The following KCNE3 variants were observed in gnomAD, a reference collection of about 807,000 sequenced individuals.
KCNE3 encodes the protein potassium voltage-gated channel subfamily E member 3.
In KCNE3, 2 loss-of-function variants were observed where a neutral mutation model predicts 4.3. The ratio of observed to expected loss-of-function variants is 0.47; its 90% CI spans 0.19 to 1.48. The LOEUF (loss-of-function observed/expected upper bound fraction) is 1.48. Among genes scored for constraint, KCNE3 ranks in the 40% most tolerant of loss-of-function variants. KCNE3 has a pLI of 0.25. For synonymous variants in KCNE3, 47 were observed against 52.0 expected (o/e 0.90, Z 0.41); for missense variants, 128 against 136.8 (o/e 0.94, Z 0.32).
chr11:74,457,062 A>C lies in KCNE3; in HGVS notation c.*190T>G. The C allele has an allele frequency of 1.6e-6, 1 of 623,612 alleles. No homozygotes were observed. Among genetic ancestry groups the C allele is most frequent in the East Asian group, 2.7e-5 (1 of 36,398 alleles). 38.6% of individuals were successfully genotyped at this position (623,612 alleles called of 1,614,324 possible). A position where few individuals can be genotyped will look rare whatever the true frequency, so the allele number is the denominator to read the frequency against. ...AAAGTCTATCTTTTCCTGGGAAAAA[A>C]TCCTTATGCACAAGGCTTCGGTCTA... On this transcript the variant is annotated 3_prime_UTR_variant, in exon 3 of 3. Transcript: ENST00000310128.
intron 2 of KCNE3, among the ~76,000 whole-genome samples, chr11:74,458,514 T>C (rs1863874525): frequency 1.3e-5 from 2 of 152,066 alleles, no homozygotes; most frequent in African/African-American, 2.4e-5. Flanking sequence ...TCATCACAAC[T>C]CTCCTTGAGC....
rs373622729 is a variant in KCNE3 at position 74,463,916 on chromosome 11, C to T, written c.-189-1813G>A. 1.2e-4 allele frequency among the ~76,000 whole-genome samples: 18 copies of T among 152,280 alleles called. No homozygotes were observed. The South Asian group carries it at 2.9e-3, about 25-fold the overall frequency. Reference sequence around the variant, plus strand: ...CATGGGGCATCATCTCCTCTAACTTCGTCACTATGGCCTTTTCATGCACCA... The same window carrying T: ...CATGGGGCATCATCTCCTCTAACTTTGTCACTATGGCCTTTTCATGCACCA... On this transcript the variant is annotated intron_variant, in intron 1 of 2. Transcript: ENST00000310128.
rs1202929937 is a variant in KCNE3 at position 74,467,210 on chromosome 11, C to T, written c.-190+188G>A. ...CCCACATGCTGCTCCACGATCACTG[C>T]GCTCGGGAGGATCGGGGAGGATCCG... On this transcript the variant is annotated intron_variant, in intron 1 of 2. Transcript: ENST00000310128. This position sits in a 1 kb window ranked among gnomAD's most constrained non-coding sequence, Gnocchi z 4.4. Among the ~76,000 whole-genome samples the T allele has an allele frequency of 3.3e-5, 5 of 150,162 alleles. No individual in the cohort carries two copies. Among genetic ancestry groups the T allele is most frequent in the Non-Finnish European group, 4.4e-5 (3 of 68,002 alleles).
rs918372397 is a variant in KCNE3 at position 74,457,744 on chromosome 11, C to T, written c.-40-141G>A. On this transcript the variant is annotated intron_variant, in intron 2 of 2. Transcript: ENST00000310128. ...TCCCCACCCAAATCTCATCTGGAAT[C>T]ATAGCTCCCATAATCCCCATGTGTC... 6 of 661,012 alleles carry T rather than the reference C, an allele frequency of 9.1e-6. No individual in the cohort carries two copies. The African/African-American group carries it at 1.1e-4, about 12-fold the overall frequency. The allele number at this position is 661,012 out of a possible 1,614,324, so 40.9% of individuals were successfully genotyped here.
intron 2 of KCNE3, among the ~76,000 whole-genome samples, chr11:74,461,444 A>T (rs913199075): frequency 2.0e-5 from 3 of 151,974 alleles, no homozygotes; most frequent in Non-Finnish European, 4.4e-5. Flanking sequence ...CAGCCTGGCC[A>T]ACGTGGAGAA....
At chr11:74,460,219 T>C (rs1262439187) in intron 2 of KCNE3, among the ~76,000 whole-genome samples, 1 of 152,212 alleles carries the variant, frequency 6.6e-6, no homozygotes, top group Non-Finnish European at 1.5e-5. Context: ...CTCACTGAGT[T>C]AAGATCCAGG....
rs1278795753 is a variant in KCNE3, at chr11:74,457,619, AAG to A, written c.-40-18_-40-17del. On this transcript the variant is annotated splice_polypyrimidine_tract_variant and intron_variant, in intron 2 of 2. Transcript: ENST00000310128. ...GGTAGAAGCTCTGGTGGCAAAAGAA[AAG>A]AGAGAGGGGATGGCTCTGTCACCTG... is the stretch of plus-strand genomic sequence containing the variant. 1 of 1,521,636 alleles carries A rather than the reference AAG, an allele frequency of 6.6e-7. No individual in the cohort carries two copies. The highest frequency in any genetic ancestry group is 9.1e-7 in the Non-Finnish European group (1 of 1,096,404). The allele number at this position is 1,521,636 out of a possible 1,614,324, so 94.3% of individuals were successfully genotyped here.
At chr11:74,466,007 C>G (rs1864050338) in intron 1 of KCNE3, among the ~76,000 whole-genome samples, 1 of 152,090 alleles carries the variant, frequency 6.6e-6, no homozygotes, top group Non-Finnish European at 1.5e-5. Context: ...CTCACCTTCT[C>G]CAGAAGCCTT....
At chr11:74,464,829 C>T (rs1864026378) in intron 1 of KCNE3, among the ~76,000 whole-genome samples, 1 of 152,264 alleles carries the variant, frequency 6.6e-6, no homozygotes, top group Non-Finnish European at 1.5e-5. Context: ...GCACCCATGA[C>T]ACTGAAGTAC....
At chr11:74,463,197 G>A (rs1222604450) in intron 1 of KCNE3, among the ~76,000 whole-genome samples, 1 of 152,146 alleles carries the variant, frequency 6.6e-6, no homozygotes, top group East Asian at 1.9e-4. Flanking sequence ...TGGAGGGTAG[G>A]GTGGGCTTTG....
Position 74,457,493 on chromosome 11 carries a change from G to C in KCNE3, c.71C>G (p.Thr24Ser). The C allele has an allele frequency of 6.2e-7, 1 of 1,614,248 alleles. No homozygotes were observed. The highest frequency in any genetic ancestry group is 8.5e-7 in the Non-Finnish European group (1 of 1,180,046). ...LHAVLKALNATLHSNLLCRPG... is the reference protein window; with the variant it reads ...LHAVLKALNASLHSNLLCRPG... ...CCGGCAGAGCAAATTGCTGTGAAGAGTGGCATTTAGAGCCTTCAGCACGGC... is the reference window on the plus strand; with the variant it reads ...CCGGCAGAGCAAATTGCTGTGAAGACTGGCATTTAGAGCCTTCAGCACGGC... Residue 24 changes from threonine (T) to serine (S), a missense_variant, in exon 3 of 3, where the codon ACT becomes AGT. Physicochemically the swap from Thr to Ser is moderately conservative, Grantham distance 58 (BLOSUM62 1). Coordinates refer to ENST00000310128, the MANE Select transcript of KCNE3 (RefSeq NM_005472.5).
At position 74,456,585 on chromosome 11, in the gene KCNE3, A is replaced by G. The variant is rs12271177; in HGVS notation, c.*667T>C. The G allele has an allele frequency of 0.53, 80,587 of 152,472 alleles. 21,892 individuals are homozygous for G. Among genetic ancestry groups the G allele is most frequent in the African/African-American group, 0.65 (26,974 of 41,470 alleles). 9.4% of individuals were successfully genotyped at this position (152,472 alleles called of 1,614,324 possible). ...CATATTAATGTGGCAGTATATTTTC[A>G]TAATGTTTGCAAAAGTAAGATATTT... On this transcript the variant is annotated 3_prime_UTR_variant, in exon 3 of 3. Coordinates refer to ENST00000310128, the MANE Select transcript of KCNE3 (RefSeq NM_005472.5).
chr11:74,460,235 C>T (rs4944893), intron 2 of KCNE3, among the ~76,000 whole-genome samples: 18,411 of 151,848 alleles, frequency 0.12, 1,155 homozygotes, highest in South Asian at 0.21. Flanking sequence ...CCAGGAGATA[C>T]ACGTTCTCAT....
chr11:74,456,866 T>G lies in KCNE3; in HGVS notation c.*386A>C. 3.4e-6 allele frequency: 1 copy of G among 289,996 alleles called. No homozygotes were observed. The highest frequency in any genetic ancestry group is 3.4e-5 in the South Asian group (1 of 29,272). 18.0% of individuals were successfully genotyped at this position (289,996 alleles called of 1,614,324 possible). ...CATCACTGCTTCTCATGGCTGAAGA[T>G]AACACATAAAAAATGTGTCCCCAGA... On this transcript the variant is annotated 3_prime_UTR_variant, in exon 3 of 3. Coordinates refer to ENST00000310128, the MANE Select transcript of KCNE3 (RefSeq NM_005472.5).
intron 2 of KCNE3, among the ~76,000 whole-genome samples, chr11:74,460,243 C>T (rs1863920999): frequency 6.6e-6 from 1 of 152,214 alleles, no homozygotes; most frequent in Admixed American, 6.5e-5. Flanking sequence ...TACACGTTCT[C>T]ATCTACTACC....
chr11:74,465,176 G>A (rs1864035965), intron 1 of KCNE3, among the ~76,000 whole-genome samples: 2 of 152,212 alleles, frequency 1.3e-5, no homozygotes, highest in Admixed American at 1.3e-4. Context: ...TAAGGTAAGA[G>A]GGCAGGGTCC....
In KCNE3 at chr11:74,457,483, G is replaced by C; in HGVS notation, c.81C>G (p.Ser27Arg). 2 of 1,614,238 alleles carry C rather than the reference G, an allele frequency of 1.2e-6. No homozygotes were observed. Among genetic ancestry groups the C allele is most frequent in the Non-Finnish European group, 8.5e-7 (1 of 1,180,048 alleles). ...VLKALNATLH[S>R]NLLCRPGPGL... is the part of the protein sequence containing the mutation. ...CTGGCCCTGGCCGGCAGAGCAAATTGCTGTGAAGAGTGGCATTTAGAGCCT... is the reference window on the plus strand; with the variant it reads ...CTGGCCCTGGCCGGCAGAGCAAATTCCTGTGAAGAGTGGCATTTAGAGCCT... Residue 27 changes from serine to arginine, a missense_variant, in exon 3 of 3, where the codon AGC (serine) becomes AGG (arginine). Coordinates refer to ENST00000310128, the MANE Select transcript of KCNE3 (RefSeq NM_005472.5).
chr11:74,465,128 G>A (rs200250673), intron 1 of KCNE3, among the ~76,000 whole-genome samples: 270 of 144,260 alleles, frequency 1.9e-3, no homozygotes, highest in African/African-American at 6.9e-3. Context: ...GTGTGTGTAT[G>A]TGTGTGTGTG....
chr11:74,464,563 T>G (rs1403333828), intron 1 of KCNE3, among the ~76,000 whole-genome samples: 2 of 152,140 alleles, frequency 1.3e-5, no homozygotes, highest in African/African-American at 4.8e-5. Flanking sequence ...ATGTTGTTGG[T>G]GCAACCCCCT....
Sources: gnomAD v4.1 joint callset for allele counts (sites outside exome capture counted in the v4.1 genomes callset) on GRCh38, gnomAD v4.1.1 for gene constraint, Gnocchi (gnomAD v3.1) non-coding constraint, MANE v1.5 for transcripts, NCBI Gene and HGNC (gene_info 2026-07-23, HGNC 2026-07-21) for gene names.